L3HYPDH: variants seen among roughly 807,000 people sequenced by gnomAD.
The protein encoded by L3HYPDH is trans-L-3-hydroxyproline dehydratase, also known as trans-3-hydroxy-L-proline dehydratase.
A neutral mutation model predicts 26.5 loss-of-function variants in L3HYPDH; 32 were observed. The ratio of observed to expected loss-of-function variants is 1.21; its 90% CI spans 0.91 to 1.62. The LOEUF (loss-of-function observed/expected upper bound fraction) is 1.62. Among genes scored for constraint, L3HYPDH ranks in the 40% most tolerant of loss-of-function variants. The pLI, the probability that L3HYPDH is intolerant of heterozygous loss-of-function variation, is 0.00. For missense variants in L3HYPDH, 554 were observed against 476.4 expected (o/e 1.16, Z -1.52); for synonymous variants, 215 against 196.6 (o/e 1.09, Z -0.78).
Position 59,476,120 on chromosome 14 carries a change from G to A in L3HYPDH, c.773C>T (p.Thr258Ile), listed in dbSNP as rs1361708079. 1 of 1,613,968 alleles carries A rather than the reference G, an allele frequency of 6.2e-7. No individual in the cohort carries two copies. The highest frequency in any genetic ancestry group is 1.7e-5 in the Admixed American group (1 of 60,000). Reference protein sequence around the residue: ...GKDAYTKEPTTNICVFADEQV... With the variant: ...GKDAYTKEPTINICVFADEQV... ...TTCATCTGCAAAAACACAAATGTTG[G>A]TGGTTGGTTCCTTGGTATAAGCATC... The change falls in exon 3 of 5, where the codon ACC becomes ATC. Residue 258 changes from threonine (T) to isoleucine (I), a missense_variant. Physicochemically the swap from Thr to Ile is moderately conservative, Grantham distance 89 (BLOSUM62 -1). Transcript: ENST00000247194.
At chr14:59,486,771 A>G (rs763359490), upstream of L3HYPDH, 12 of 1,593,068 alleles carry the variant, frequency 7.5e-6, no homozygotes, top group Admixed American at 1.2e-4. Flanking sequence ...TATTATTTAA[A>G]AATGGCTCAA....
chr14:59,477,285 A>G (rs1404337079), intron 2 of L3HYPDH, among the ~76,000 whole-genome samples: 1 of 152,206 alleles, frequency 6.6e-6, no homozygotes, highest in Non-Finnish European at 1.5e-5. Flanking sequence ...TGTTTGTGGT[A>G]AATGTTTGTT....
chr14:59,492,485 G>A, the L3HYPDH span, among the ~76,000 whole-genome samples: 11 of 152,136 alleles, frequency 7.2e-5, no homozygotes, highest in Admixed American at 3.3e-4. Context: ...GGTCCTGCAA[G>A]TGACATGCCA....
At chr14:59,474,568 G>A in intron 4 of L3HYPDH, 2 of 697,018 alleles carry the variant, frequency 2.9e-6, no homozygotes, top group Non-Finnish European at 5.2e-6. Flanking sequence ...TTGTCTGACA[G>A]CAATATAATA....
chr14:59,500,892 A>G, the L3HYPDH span: 2 of 231,706 alleles, frequency 8.6e-6, no homozygotes, highest in South Asian at 1.5e-4. Context: ...TATTGTCCAT[A>G]AAGTTTTTAT....
chr14:59,497,724 C>G, the L3HYPDH span, among the ~76,000 whole-genome samples: 1 of 151,888 alleles, frequency 6.6e-6, no homozygotes, highest in Non-Finnish European at 1.5e-5. Context: ...TATAACAAGA[C>G]AAAAAAATTA....
At chr14:59,504,212 T>TTTTG in the L3HYPDH span, 4 of 632,318 alleles carry the variant, frequency 6.3e-6, no homozygotes, top group Non-Finnish European at 1.1e-5. Context: ...TTTGTCTTTG[T>TTTTG]TTTGTTTATG....
At chr14:59,491,947 A>AG in the L3HYPDH span, among the ~76,000 whole-genome samples, 3 of 152,200 alleles carry the variant, frequency 2.0e-5, no homozygotes, top group Non-Finnish European at 4.4e-5. Context: ...CTTTGCTGGA[A>AG]AGCTTCCCCA....
chr14:59,476,244 A>C, intron 2 of L3HYPDH, 30 bp from the exon 3 acceptor site: 1 of 1,219,502 alleles, frequency 8.2e-7, no homozygotes, highest in East Asian at 2.4e-5. Context: ...ATCACATGCA[A>C]AATAAATATT....
At chr14:59,473,771 A>T (rs556331085) in intron 4 of L3HYPDH, among the ~76,000 whole-genome samples, 6 of 152,292 alleles carry the variant, frequency 3.9e-5, no homozygotes, top group Middle Eastern at 3.4e-3. Flanking sequence ...GAAGTGGATG[A>T]AATTGCCCAG....
chr14:59,491,020 A>C, the L3HYPDH span, among the ~76,000 whole-genome samples: 1 of 152,330 alleles, frequency 6.6e-6, no homozygotes, highest in East Asian at 1.9e-4. Flanking sequence ...GAGTTGTACA[A>C]CTGTGCTTTG....
the L3HYPDH span, among the ~76,000 whole-genome samples, chr14:59,500,247 A>G: frequency 5.3e-5 from 8 of 152,324 alleles, no homozygotes; most frequent in South Asian, 1.7e-3. Flanking sequence ...AGTAAGTTGG[A>G]ATCAGGCCTG....
chr14:59,465,672 G>T (rs1236358095), intron 1 of L3HYPDH, among the ~76,000 whole-genome samples: 2 of 152,158 alleles, frequency 1.3e-5, no homozygotes, highest in South Asian at 4.1e-4. Context: ...GGGAGTGGTG[G>T]GGGGGGCACT....
Position 59,482,877 on chromosome 14 carries a change from G to C in L3HYPDH, c.508+932C>G, listed in dbSNP as rs545130274. On this transcript the variant is annotated intron_variant, in intron 1 of 4. Transcript: ENST00000247194. Reference sequence around the variant, plus strand: ...TAAACTGGCTCCTGGCTCACTTCCAGTCACAATGACTAAAGCATTCTTACT... The same window carrying C: ...TAAACTGGCTCCTGGCTCACTTCCACTCACAATGACTAAAGCATTCTTACT... Among the ~76,000 whole-genome samples the C allele has an allele frequency of 1.4e-4, 22 of 152,312 alleles. 1 individual carries two copies. The South Asian group carries it at 4.4e-3, about 30-fold the overall frequency.
chr14:59,486,534 T>C, upstream of L3HYPDH: 1 of 595,186 alleles, frequency 1.7e-6, no homozygotes, highest in Admixed American at 3.0e-5. Flanking sequence ...AGGATAACTG[T>C]CTGCAGTGTC....
Position 59,484,179 on chromosome 14 carries a change from G to A in L3HYPDH, c.138C>T (p.Thr46=), listed in dbSNP as rs1455309597. The A allele has an allele frequency of 1.3e-6, 2 of 1,599,622 alleles. No homozygotes were observed. Among genetic ancestry groups the A allele is most frequent in the Non-Finnish European group, 1.7e-6 (2 of 1,179,594 alleles). Reference sequence around the variant, plus strand: ...GCATGTAGCGCCGCTTGGCCAGCAGGGTGGGCCCAGACACCTCCGGACACC... The same window carrying A: ...GCATGTAGCGCCGCTTGGCCAGCAGAGTGGGCCCAGACACCTCCGGACACC... ...LAGCPEVSGP[T]LLAKRRYMRQ... is the part of the protein sequence containing the mutation. The change falls in exon 1 of 5, where the codon ACC becomes ACT. Residue 46 remains threonine, a synonymous_variant. Transcript: ENST00000247194.
intron 1 of L3HYPDH, among the ~76,000 whole-genome samples, chr14:59,465,608 G>C (rs1224792614): frequency 6.6e-6 from 1 of 152,232 alleles, no homozygotes; most frequent in Non-Finnish European, 1.5e-5. Context: ...TTCAACGAAA[G>C]TTCACTCTTG....
At position 59,472,957 on chromosome 14, in the gene L3HYPDH, GGAA is replaced by G; in HGVS notation, c.*5_*7del. On this transcript the variant is annotated 3_prime_UTR_variant, in exon 5 of 5. Coordinates refer to ENST00000247194, the MANE Select transcript of L3HYPDH (RefSeq NM_144581.2). ...TTAAAAAGAAAGCCCTTAAAATCAT[GGAA>G]GAAGTCACTTGAGAAGAAATCCATC... 6.3e-7 allele frequency: 1 copy of G among 1,579,396 alleles called. No homozygotes were observed.
At chr14:59,482,735 C>T (rs1890119263) in intron 1 of L3HYPDH, among the ~76,000 whole-genome samples, 1 of 152,178 alleles carries the variant, frequency 6.6e-6, no homozygotes, top group African/African-American at 2.4e-5. Flanking sequence ...TATCAGTTAT[C>T]ATTCATAATC....
Sources: allele counts gnomAD v4.1 joint callset (sites outside exome capture counted in the v4.1 genomes callset), GRCh38; gene constraint gnomAD v4.1.1; transcripts MANE v1.5; gene names NCBI Gene and HGNC (gene_info 2026-07-23, HGNC 2026-07-21).